Variants in RNF130 observed in about 807,000 individuals in gnomAD.
RNF130 encodes the protein E3 ubiquitin-protein ligase RNF130.
A neutral mutation model predicts 44.6 loss-of-function variants in RNF130; 21 were observed. The observed-to-expected ratio is 0.47, with a 90% CI of 0.33 to 0.68. The LOEUF (loss-of-function observed/expected upper bound fraction) is 0.68. RNF130 is among the 30% of genes least tolerant of loss of function. RNF130 has a pLI of 0.02. For synonymous variants in RNF130, 214 were observed against 210.4 expected, an observed-to-expected ratio of 1.02 and a Z score of -0.15; for missense variants, 479 against 560.6, an observed-to-expected ratio of 0.85 and a Z score of 1.47.
intron 3 of RNF130, among the ~76,000 whole-genome samples, chr5:180,009,007 A>C (rs958193815): frequency 1.3e-5 from 2 of 152,242 alleles, no homozygotes; most frequent in Non-Finnish European, 2.9e-5. Flanking sequence ...AATGAAAATG[A>C]AAATACAGCA....
intron 2 of RNF130, 47 bp downstream of exon 2, chr5:180,040,406 G>C (rs1764381243): frequency 1.3e-6 from 2 of 1,553,780 alleles, no homozygotes; most frequent in African/African-American, 1.4e-5. Context: ...ATAAAGCAAT[G>C]ATTTCTAAGA....
At chr5:179,948,961 ATTTTTTTT>A (rs554440602) in intron 7 of RNF130, among the ~76,000 whole-genome samples, 1 of 128,596 alleles carries the variant, frequency 7.8e-6, no homozygotes, top group Non-Finnish European at 1.6e-5. Flanking sequence ...CCTTGGAATA[ATTTTTTTT>A]TTTTTTTTTT....
intron 7 of RNF130, chr5:179,939,703 A>AAAATCCACTTCCAAAAGACGG: frequency 2.2e-6 from 1 of 454,552 alleles, no homozygotes; most frequent in Non-Finnish European, 4.4e-6. Context: ...TCAAAAGAAG[A>AAAATCCACTTCCAAAAGACGG]AAATCCACTT....
At chr5:179,967,265 A>G (rs1350069111) in intron 6 of RNF130, among the ~76,000 whole-genome samples, 2 of 152,252 alleles carry the variant, frequency 1.3e-5, no homozygotes, top group Admixed American at 1.3e-4. Context: ...ATCAGAGAAG[A>G]CTGGTCATGG....
intron 7 of RNF130, among the ~76,000 whole-genome samples, chr5:179,937,933 TGAGA>T (rs3078901): frequency 0.069 from 7,945 of 115,712 alleles, 298 homozygotes; most frequent in African/African-American, 0.11. Context: ...TGTGTGTGTG[TGAGA>T]GAGAGAGAGA....
intron 7 of RNF130, among the ~76,000 whole-genome samples, chr5:179,943,895 A>T (rs1452298721): frequency 6.6e-6 from 1 of 152,236 alleles, no homozygotes; most frequent in Admixed American, 6.5e-5. Context: ...AGGCAATAGA[A>T]ATGTAATTAA....
chr5:179,974,402 A>G (rs1762665933), intron 5 of RNF130, among the ~76,000 whole-genome samples: 1 of 152,242 alleles, frequency 6.6e-6, no homozygotes, highest in African/African-American at 2.4e-5. Flanking sequence ...CTGCTGGCTA[A>G]CATCCAAAGG....
chr5:179,964,080 CTT>C (rs1185005648), intron 7 of RNF130: 2 of 155,876 alleles, frequency 1.3e-5, no homozygotes, highest in Non-Finnish European at 2.8e-5. Flanking sequence ...TGGCTACATT[CTT>C]CTCTCTTATG....
At chr5:180,003,325 C>G (rs1240728265) in intron 3 of RNF130, among the ~76,000 whole-genome samples, 1 of 152,126 alleles carries the variant, frequency 6.6e-6, no homozygotes, top group East Asian at 1.9e-4. Context: ...AAGCAGAGAG[C>G]AGGTGCTGGT....
intron 7 of RNF130, among the ~76,000 whole-genome samples, chr5:179,933,397 T>TG (rs1561661455): frequency 1.4e-5 from 2 of 147,604 alleles, no homozygotes; most frequent in Non-Finnish European, 3.0e-5. Context: ...CATAACCCTA[T>TG]TTGTGTGTGT....
chr5:179,982,612 G>A (rs1299683687), intron 3 of RNF130, among the ~76,000 whole-genome samples: 1 of 152,082 alleles, frequency 6.6e-6, no homozygotes, highest in Non-Finnish European at 1.5e-5. Flanking sequence ...GTCTTGCTCT[G>A]CTTCCCAAAC....
At chr5:179,931,273 C>A (rs1761803420) in intron 7 of RNF130, among the ~76,000 whole-genome samples, 1 of 152,092 alleles carries the variant, frequency 6.6e-6, no homozygotes, top group African/African-American at 2.4e-5. Context: ...ATGAATCACA[C>A]AAAGTCCATT....
At chr5:180,006,099 A>G (rs1270901484) in intron 3 of RNF130, among the ~76,000 whole-genome samples, 1 of 152,220 alleles carries the variant, frequency 6.6e-6, no homozygotes, top group Non-Finnish European at 1.5e-5. Context: ...AACTGGTAAG[A>G]TAATAACTTC....
intron 3 of RNF130, among the ~76,000 whole-genome samples, chr5:179,983,199 T>C (rs1345038341): frequency 6.6e-6 from 1 of 152,214 alleles, no homozygotes; most frequent in Non-Finnish European, 1.5e-5. Flanking sequence ...TGTGCTCTAG[T>C]ATCATATTAA....
chr5:180,007,679 G>A (rs1430402627), intron 3 of RNF130, among the ~76,000 whole-genome samples: 1 of 152,220 alleles, frequency 6.6e-6, no homozygotes, highest in Non-Finnish European at 1.5e-5. Flanking sequence ...CGCTTTGGAA[G>A]GATCCTGCAT....
At chr5:179,987,359 G>A (rs1300853956) in intron 3 of RNF130, among the ~76,000 whole-genome samples, 1 of 152,136 alleles carries the variant, frequency 6.6e-6, no homozygotes, top group East Asian at 1.9e-4. Context: ...GTGGAGAAAG[G>A]GGTCTCCCCA....
intron 6 of RNF130, 53 bp from the exon 7 acceptor site, chr5:179,967,063 T>A: frequency 6.7e-7 from 1 of 1,496,056 alleles, no homozygotes; most frequent in Non-Finnish European, 9.3e-7. Flanking sequence ...CAACCTTTCA[T>A]AAGATTCTAA....
At chr5:180,027,611 T>A (rs1268709340) in intron 2 of RNF130, among the ~76,000 whole-genome samples, 1 of 152,122 alleles carries the variant, frequency 6.6e-6, no homozygotes, top group Non-Finnish European at 1.5e-5. Context: ...GACCTTTCTA[T>A]AACCACTGTC....
intron 3 of RNF130, among the ~76,000 whole-genome samples, chr5:179,991,730 A>G (rs1763086696): frequency 6.6e-6 from 1 of 152,050 alleles, no homozygotes; most frequent in African/African-American, 2.4e-5. Flanking sequence ...CAAGCACATT[A>G]CATTTATTGT....
Sources: allele counts gnomAD v4.1 joint callset (sites outside exome capture counted in the v4.1 genomes callset), GRCh38; gene constraint gnomAD v4.1.1; transcripts MANE v1.5; gene names NCBI Gene and HGNC (gene_info 2026-07-23, HGNC 2026-07-21).